The following FCHSD2 variants were observed in gnomAD, a reference collection of about 807,000 sequenced individuals.
FCHSD2 encodes the protein F-BAR and double SH3 domains protein 2.
In FCHSD2, 38 loss-of-function variants were observed where a neutral mutation model predicts 108.1. The observed-to-expected ratio is 0.35, with a 90% CI of 0.27 to 0.46. The LOEUF (loss-of-function observed/expected upper bound fraction) is 0.46, where lower values mean the gene tolerates loss of function less well. Among genes scored for constraint, FCHSD2 ranks in the 20% least tolerant of loss-of-function variants. FCHSD2 has a pLI of 1.00. For synonymous variants in FCHSD2, 279 were observed against 314.7 expected (o/e 0.89, Z 1.20); for missense variants, 751 against 897.8 (o/e 0.84, Z 2.09).
intron 8 of FCHSD2, among the ~76,000 whole-genome samples, chr11:72,978,920 G>A (rs112680047): frequency 0.017 from 2,511 of 146,292 alleles, 39 homozygotes; most frequent in African/African-American, 0.042. Flanking sequence ...GCAGTGGTGC[G>A]ATCTCAGCTC....
At chr11:72,918,748 T>C (rs976846806) in intron 9 of FCHSD2, among the ~76,000 whole-genome samples, 2 of 152,202 alleles carry the variant, frequency 1.3e-5, no homozygotes, top group African/African-American at 4.8e-5. Context: ...AATTCTTTTT[T>C]TAAATTTATT....
rs1029618107 is a variant in FCHSD2, at chr11:72,837,147, C to G, written c.*1644G>C. The G allele has an allele frequency of 1.3e-5, 2 of 151,912 alleles. No homozygotes were observed. The highest frequency in any genetic ancestry group is 2.9e-5 in the Non-Finnish European group (2 of 67,982). The allele number at this position is 151,912 out of a possible 1,614,324, so 9.4% of individuals were successfully genotyped here. On this transcript the variant is annotated 3_prime_UTR_variant, in exon 20 of 20. Coordinates refer to ENST00000409418, the MANE Select transcript of FCHSD2 (RefSeq NM_014824.3). ...AACTTTAAAATCTTAAAAAAACCAC[C>G]CTTTTAATTTCTTTTTTAAACTTAA...
chr11:72,913,963 T>C (rs963698926), intron 9 of FCHSD2, among the ~76,000 whole-genome samples: 3 of 152,066 alleles, frequency 2.0e-5, no homozygotes, highest in Non-Finnish European at 4.4e-5. Flanking sequence ...ACTATGCTCA[T>C]GGACAGGAAA....
At chr11:72,982,986 C>A (rs923364490) in intron 8 of FCHSD2, among the ~76,000 whole-genome samples, 1 of 151,824 alleles carries the variant, frequency 6.6e-6, no homozygotes, top group Non-Finnish European at 1.5e-5. Flanking sequence ...CATAGCAAGA[C>A]TCTTGTTTCT....
intron 8 of FCHSD2, among the ~76,000 whole-genome samples, chr11:72,930,924 T>A (rs549728217): frequency 6.6e-6 from 1 of 152,010 alleles, no homozygotes; most frequent in East Asian, 1.9e-4. Context: ...TTTTAAAATA[T>A]CTTAAGAGTG....
rs747796955 is a variant in FCHSD2, at chr11:72,843,141, C to G, written c.1705+10G>C. The G allele has an allele frequency of 1.2e-6, 2 of 1,613,502 alleles. No homozygotes were observed. On this transcript the variant is annotated intron_variant, in intron 16 of 19. Coordinates refer to ENST00000409418, the MANE Select transcript of FCHSD2 (RefSeq NM_014824.3). ...TGACCAAATAAAGAGTGCCTTGTTT[C>G]AGTCTTTACCACTGGCATCTCCGTT...
At chr11:72,899,674 C>T (rs961699871) in intron 10 of FCHSD2, among the ~76,000 whole-genome samples, 1 of 133,744 alleles carries the variant, frequency 7.5e-6, no homozygotes, top group Non-Finnish European at 1.5e-5. Flanking sequence ...GAGGTTGAGG[C>T]GCAGTGAGCC....
chr11:72,901,121 G>A (rs969735199), intron 10 of FCHSD2, among the ~76,000 whole-genome samples: 1 of 152,182 alleles, frequency 6.6e-6, no homozygotes, highest in Non-Finnish European at 1.5e-5. Flanking sequence ...GCCGGACATC[G>A]TGGCTCACGT....
Position 72,923,809 on chromosome 11 carries a change from T to A in FCHSD2, c.706-1859A>T, listed in dbSNP as rs1242547049. Among the ~76,000 whole-genome samples the A allele has an allele frequency of 2.0e-5, 3 of 152,194 alleles. No homozygotes were observed. In the East Asian group the frequency reaches 5.8e-4, roughly 29 times the overall value. ...ACAAAAATTAGCTGATGTAGTGGCGTCTGCCTGTAATCCCAGCTACTTGGC... is the reference window on the plus strand; with the variant it reads ...ACAAAAATTAGCTGATGTAGTGGCGACTGCCTGTAATCCCAGCTACTTGGC... On this transcript the variant is annotated intron_variant, in intron 8 of 19. Coordinates refer to ENST00000409418, the MANE Select transcript of FCHSD2 (RefSeq NM_014824.3).
At chr11:72,926,281 C>T (rs1191276484) in intron 8 of FCHSD2, among the ~76,000 whole-genome samples, 1 of 152,152 alleles carries the variant, frequency 6.6e-6, no homozygotes, top group Non-Finnish European at 1.5e-5. Context: ...ATAGACCAAT[C>T]CACACACACT....
intron 3 of FCHSD2, among the ~76,000 whole-genome samples, chr11:73,057,655 C>T (rs904130598): frequency 5.3e-5 from 8 of 152,086 alleles, no homozygotes; most frequent in African/African-American, 1.4e-4. Context: ...TCAGTCACCA[C>T]GAGATATGCC....
At chr11:72,862,947 G>C (rs1854633955) in intron 13 of FCHSD2, among the ~76,000 whole-genome samples, 1 of 151,982 alleles carries the variant, frequency 6.6e-6, no homozygotes, top group South Asian at 2.1e-4. Context: ...TTTTTTTAAA[G>C]AGACTTGCTC....
chr11:73,140,809 G>A (rs1413475686), intron 1 of FCHSD2, among the ~76,000 whole-genome samples: 2 of 152,252 alleles, frequency 1.3e-5, no homozygotes, highest in Non-Finnish European at 2.9e-5. Flanking sequence ...GCTGGCCAGA[G>A]AGCCTCGCCC....
intron 4 of FCHSD2, among the ~76,000 whole-genome samples, chr11:73,008,506 A>C (rs1857791118): frequency 6.6e-6 from 1 of 152,184 alleles, no homozygotes; most frequent in Admixed American, 6.5e-5. Context: ...AAGGAAAAAG[A>C]CTGCTTTCAG....
chr11:73,096,987 A>ATTTTTTTTTTTTTTTTTTT lies in FCHSD2; in HGVS notation c.120-13266_120-13248dup, dbSNP rs60223064. 7.3e-3 allele frequency among the ~76,000 whole-genome samples: 197 copies of ATTTTTTTTTTTTTTTTTTT among 27,048 alleles called. 75 individuals are homozygous for ATTTTTTTTTTTTTTTTTTT. Among genetic ancestry groups the ATTTTTTTTTTTTTTTTTTT allele is most frequent in the East Asian group, 0.035 (20 of 566 alleles). 17.7% of individuals were successfully genotyped at this position (27,048 alleles called of 152,430 possible). On this transcript the variant is annotated intron_variant, in intron 2 of 19. Transcript: ENST00000409418. ...CTAATGTGATGTATTTCATTGATGGATTTTTTTTTTTTTTTTTTTTTTTTT... is the reference window on the plus strand; with the variant it reads ...CTAATGTGATGTATTTCATTGATGGATTTTTTTTTTTTTTTTTTTTTTTTTTTTTTTTTTTTTTTTTTTT...
intron 3 of FCHSD2, among the ~76,000 whole-genome samples, chr11:73,076,633 T>G (rs1401060853): frequency 6.6e-6 from 1 of 152,226 alleles, no homozygotes; most frequent in Non-Finnish European, 1.5e-5. Context: ...TAACTTTGTA[T>G]GTTTGCTAAA....
At chr11:72,992,161 A>G (rs1456417845) in intron 5 of FCHSD2, among the ~76,000 whole-genome samples, 3 of 152,348 alleles carry the variant, frequency 2.0e-5, no homozygotes, top group South Asian at 2.1e-4. Flanking sequence ...TCCCATTCAC[A>G]ACTGCTTCAA....
At chr11:73,107,904 G>T (rs1470456418) in intron 2 of FCHSD2, among the ~76,000 whole-genome samples, 1 of 152,092 alleles carries the variant, frequency 6.6e-6, no homozygotes, top group African/African-American at 2.4e-5. Flanking sequence ...TACTGCAATC[G>T]ACATGGGTAT....
intron 3 of FCHSD2, among the ~76,000 whole-genome samples, chr11:73,040,094 C>T (rs1858598163): frequency 6.6e-6 from 1 of 152,148 alleles, no homozygotes; most frequent in Non-Finnish European, 1.5e-5. Flanking sequence ...ATCCATTACT[C>T]AGAAATAACA....
Sources: gnomAD v4.1 joint callset for allele counts (sites outside exome capture counted in the v4.1 genomes callset) on GRCh38, gnomAD v4.1.1 for gene constraint, MANE v1.5 for transcripts, NCBI Gene and HGNC (gene_info 2026-07-23, HGNC 2026-07-21) for gene names.